RPH3A: variants seen among roughly 807,000 people sequenced by gnomAD.
RPH3A encodes rabphilin 3A.
RPH3A carries 48 observed loss-of-function variants against 102.2 expected under a neutral mutation model. The observed-to-expected ratio is 0.47, with a 90% CI of 0.37 to 0.60. The LOEUF (loss-of-function observed/expected upper bound fraction) is 0.60, where lower values mean the gene tolerates loss of function less well. Among genes scored for constraint, RPH3A ranks in the 20% least tolerant of loss-of-function variants. The probability of loss-of-function intolerance (pLI) is 0.00; values close to 1 mark genes in which losing one functional copy is unlikely to be tolerated. For missense variants in RPH3A, 781 were observed against 910.1 expected (o/e 0.86, Z 1.83); for synonymous variants, 310 against 324.3 (o/e 0.96, Z 0.47).
In RPH3A at chr12:112,828,331, G is replaced by T; in HGVS notation, c.13G>T (p.Val5Leu). 2 of 1,611,032 alleles carry T rather than the reference G, an allele frequency of 1.2e-6. No homozygotes were observed. Among genetic ancestry groups the T allele is most frequent in the Non-Finnish European group, 1.7e-6 (2 of 1,178,596 alleles). The change falls in exon 3 of 22, where the codon GTG (valine) becomes TTG (leucine). Residue 5 changes from valine to leucine, a missense_variant. Val to Leu is a conservative substitution (Grantham distance 32). This residue lies in a region of RPH3A where 730 missense variants were observed against 810.0 expected (regional missense o/e 0.90). Transcript: ENST00000389385. MTDTVFSNSSNRWMY... is the reference protein window; with the variant it reads MTDTLFSNSSNRWMY... ...CTAGACATCTACTATGACTGACACC[G>T]TGTTCAGCAACAGTTCTAACCGTTG...
At chr12:112,814,532 C>T (rs2041637517) in intron 2 of RPH3A, among the ~76,000 whole-genome samples, 2 of 152,190 alleles carry the variant, frequency 1.3e-5, no homozygotes, top group Non-Finnish European at 2.9e-5. Context: ...GCCAGATTCT[C>T]TCTTACTGGA....
intron 1 of RPH3A, among the ~76,000 whole-genome samples, chr12:112,713,063 T>TTCTTCTC (rs2040489050): frequency 8.8e-6 from 1 of 113,798 alleles, no homozygotes; most frequent in Non-Finnish European, 2.0e-5. Flanking sequence ...TTCTTCTTCT[T>TTCTTCTC]CTTCTTCTTC....
At chr12:112,661,079 C>A (rs149114669) in intron 1 of RPH3A, among the ~76,000 whole-genome samples, 2 of 152,074 alleles carry the variant, frequency 1.3e-5, no homozygotes, top group Non-Finnish European at 2.9e-5. Flanking sequence ...TAGTGCCTAC[C>A]TCAGAGGGTT....
intron 1 of RPH3A, among the ~76,000 whole-genome samples, chr12:112,662,520 G>A (rs981248991): frequency 1.3e-5 from 2 of 152,200 alleles, no homozygotes; most frequent in African/African-American, 4.8e-5. Flanking sequence ...TGCAAAATGG[G>A]AGCTCATTCC....
chr12:112,891,150 C>A, intron 19 of RPH3A, 147 bp downstream of exon 19: 1 of 857,868 alleles, frequency 1.2e-6, no homozygotes, highest in Non-Finnish European at 1.8e-6. Flanking sequence ...GAAACAAATG[C>A]CTACAACTGG....
intron 5 of RPH3A, among the ~76,000 whole-genome samples, chr12:112,861,819 C>A (rs972581530): frequency 1.3e-5 from 2 of 152,060 alleles, no homozygotes; most frequent in African/African-American, 4.8e-5. Flanking sequence ...CGAGACCATC[C>A]TGGGTAGCAC....
chr12:112,765,248 G>T (rs1452131971), intron 1 of RPH3A, among the ~76,000 whole-genome samples: 5 of 28,346 alleles, frequency 1.8e-4, no homozygotes. Flanking sequence ...CATGGTGATT[G>T]TGTGTGTGTG....
At position 112,729,584 on chromosome 12, in the gene RPH3A, C is replaced by T. The variant is rs566114404; in HGVS notation, c.-139-62559C>T. Among the ~76,000 whole-genome samples, 12 of 152,206 alleles carry T rather than the reference C, an allele frequency of 7.9e-5. No individual in the cohort carries two copies. The South Asian group carries it at 2.5e-3, about 32-fold the overall frequency. On this transcript the variant is annotated intron_variant, in intron 1 of 21. Transcript: ENST00000543106. ...ATTCAACTATGTCACATAGCCATTA[C>T]ACTGGGTAACAAGAGGAATCCACTA...
upstream of RPH3A, among the ~76,000 whole-genome samples, chr12:112,787,458 T>G (rs1281650760): frequency 1.3e-5 from 2 of 152,196 alleles, no homozygotes; most frequent in Non-Finnish European, 2.9e-5. Context: ...CATGTCTGAT[T>G]TCCTCATCTT....
intron 1 of RPH3A, among the ~76,000 whole-genome samples, chr12:112,751,599 T>G (rs1234066846): frequency 6.6e-6 from 1 of 152,118 alleles, no homozygotes; most frequent in African/African-American, 2.4e-5. Flanking sequence ...AGACTGTGCA[T>G]AAGAGTCAGA....
intron 1 of RPH3A, among the ~76,000 whole-genome samples, chr12:112,705,203 G>A (rs1433154617): frequency 6.6e-6 from 1 of 152,184 alleles, no homozygotes; most frequent in Admixed American, 6.5e-5. Flanking sequence ...TTAAGGGCAT[G>A]GCTCAGAGAT....
intron 1 of RPH3A, among the ~76,000 whole-genome samples, chr12:112,677,460 T>C (rs1160374724): frequency 7.2e-6 from 1 of 138,816 alleles, no homozygotes; most frequent in Non-Finnish European, 1.6e-5. Flanking sequence ...CTTCCTTCCT[T>C]CCTTCCTTCC....
In RPH3A at chr12:112,870,020, C is replaced by T. The variant is rs747671742; in HGVS notation, c.777C>T (p.Asp259=). ...ESWDHSGGAG[D]SSRSPAGLRR... is the part of the protein sequence containing the mutation. ...GGGACCACAGTGGGGGTGCTGGAGA[C>T]TCCAGCCGGAGCCCAGCAGGTGAGC... is the stretch of plus-strand genomic sequence containing the variant. Residue 259 remains aspartate (D), a synonymous_variant, in exon 10 of 22, where the codon GAC becomes GAT. Transcript: ENST00000389385. 1 of 1,613,520 alleles carries T rather than the reference C, an allele frequency of 6.2e-7. No individual in the cohort carries two copies. The highest frequency in any genetic ancestry group is 1.1e-5 in the South Asian group (1 of 90,956).
chr12:112,649,133 C>A (rs1264450822), intron 1 of RPH3A, among the ~76,000 whole-genome samples: 2 of 152,182 alleles, frequency 1.3e-5, no homozygotes, highest in East Asian at 1.9e-4. Flanking sequence ...AATTTAAAAC[C>A]AATAGTATTT....
intron 1 of RPH3A, among the ~76,000 whole-genome samples, chr12:112,661,295 C>T (rs1043962912): frequency 7.2e-5 from 11 of 152,126 alleles, no homozygotes; most frequent in African/African-American, 2.7e-4. Context: ...TAAAGTCAGA[C>T]AGACCTAAGT....
intron 1 of RPH3A, among the ~76,000 whole-genome samples, chr12:112,773,268 A>G (rs902486982): frequency 6.6e-6 from 1 of 152,124 alleles, no homozygotes; most frequent in African/African-American, 2.4e-5. Context: ...AAAATGGATA[A>G]CCCCATCCCT....
intron 1 of RPH3A, among the ~76,000 whole-genome samples, chr12:112,734,058 C>T (rs1017174693): frequency 1.3e-5 from 2 of 152,094 alleles, no homozygotes; most frequent in Non-Finnish European, 2.9e-5. Context: ...ATGAAAAAAA[C>T]GAGGTCCAAA....
At chr12:112,865,820 A>G (rs1209678058) in intron 6 of RPH3A, among the ~76,000 whole-genome samples, 1 of 152,172 alleles carries the variant, frequency 6.6e-6, no homozygotes, top group East Asian at 1.9e-4. Context: ...GAACATGAGC[A>G]ATGATTGAGC....
At chr12:112,790,741 G>C (rs1382937801), upstream of RPH3A, among the ~76,000 whole-genome samples, 1 of 152,104 alleles carries the variant, frequency 6.6e-6, no homozygotes, top group Admixed American at 6.5e-5. Context: ...TGGATCTTTC[G>C]GGGAAGGCTC....
Sources: allele counts gnomAD v4.1 joint callset (sites outside exome capture counted in the v4.1 genomes callset), GRCh38; gene constraint gnomAD v4.1.1; regional missense constraint gnomAD v4.1.1; transcripts MANE v1.5; gene names NCBI Gene and HGNC (gene_info 2026-07-23, HGNC 2026-07-21).